Variants in PPM1D observed in about 807,000 individuals in gnomAD.
PPM1D encodes protein phosphatase, Mg2+/Mn2+ dependent 1D, also known as protein phosphatase 1D.
In PPM1D, 52 loss-of-function variants were observed where a neutral mutation model predicts 58.3. The ratio of observed to expected loss-of-function variants is 0.89; its 90% CI spans 0.71 to 1.12. The LOEUF is 1.12. Among genes scored for constraint, PPM1D ranks in the 50% most tolerant of loss-of-function variants. The probability of loss-of-function intolerance (pLI) is 0.00; values close to 1 mark genes in which losing one functional copy is unlikely to be tolerated. For synonymous variants in PPM1D, 278 were observed against 285.1 expected, an observed-to-expected ratio of 0.98 and a Z score of 0.25; for missense variants, 564 against 777.2, an observed-to-expected ratio of 0.73 and a Z score of 3.26.
chr17:60,649,216 C>A (rs1005779416), intron 4 of PPM1D, among the ~76,000 whole-genome samples: 2 of 152,096 alleles, frequency 1.3e-5, no homozygotes, highest in African/African-American at 4.8e-5. Flanking sequence ...CCATGCCCAG[C>A]TCCTAATCTC....
chr17:60,619,846 T>C (rs1341434980), intron 1 of PPM1D, among the ~76,000 whole-genome samples: 1 of 152,184 alleles, frequency 6.6e-6, no homozygotes, highest in Non-Finnish European at 1.5e-5. Flanking sequence ...GCGATCTTCC[T>C]GTCTCATTTT....
At chr17:60,656,481 A>G (rs2031441216) in intron 4 of PPM1D, 118 bp from the exon 5 acceptor site, 1 of 1,389,272 alleles carries the variant, frequency 7.2e-7, no homozygotes, top group Non-Finnish European at 9.6e-7. Flanking sequence ...AAGAAAAAAA[A>G]AAATTGGGAG....
At chr17:60,641,922 G>T (rs1395666000) in intron 3 of PPM1D, among the ~76,000 whole-genome samples, 1 of 152,152 alleles carries the variant, frequency 6.6e-6, no homozygotes, top group African/African-American at 2.4e-5. Flanking sequence ...CAGAAAGCAG[G>T]CCTCCTCTCT....
intron 1 of PPM1D, among the ~76,000 whole-genome samples, chr17:60,606,588 A>G (rs1055273623): frequency 3.3e-5 from 5 of 152,088 alleles, no homozygotes; most frequent in African/African-American, 1.2e-4. Flanking sequence ...ATCCTGATGA[A>G]TGTGGACTGT....
chr17:60,661,320 C>T (rs1230780226), intron 5 of PPM1D, among the ~76,000 whole-genome samples: 3 of 150,844 alleles, frequency 2.0e-5, no homozygotes, highest in Admixed American at 1.3e-4. Context: ...TCTGCTTGGG[C>T]TTTTCAGAAT....
chr17:60,605,862 G>A (rs1008669792), intron 1 of PPM1D, among the ~76,000 whole-genome samples: 1 of 152,154 alleles, frequency 6.6e-6, no homozygotes, highest in South Asian at 2.1e-4. Flanking sequence ...CTGAGATCAC[G>A]CCATTGCACT....
chr17:60,607,570 G>A (rs1197262314), intron 1 of PPM1D, among the ~76,000 whole-genome samples: 1 of 152,124 alleles, frequency 6.6e-6, no homozygotes, highest in African/African-American at 2.4e-5. Context: ...CAAAGTGTTG[G>A]GATTACAGGC....
chr17:60,644,215 C>T (rs1000284408), intron 3 of PPM1D, among the ~76,000 whole-genome samples: 5 of 151,536 alleles, frequency 3.3e-5, no homozygotes, highest in African/African-American at 1.2e-4. Flanking sequence ...TTGTCAATAC[C>T]ATGAATGATA....
At chr17:60,650,551 AAACAACAAC>A (rs145962010) in intron 4 of PPM1D, among the ~76,000 whole-genome samples, 4 of 151,396 alleles carry the variant, frequency 2.6e-5, no homozygotes, top group African/African-American at 9.7e-5. Flanking sequence ...CTCCATCTCA[AAACAACAAC>A]AACAACAACA....
intron 3 of PPM1D, among the ~76,000 whole-genome samples, chr17:60,640,858 C>T (rs2031120120): frequency 6.6e-6 from 1 of 151,848 alleles, no homozygotes. Context: ...ATTTCTTTTC[C>T]TAAGTAAATT....
rs980649677 is a variant in PPM1D at position 60,656,402 on chromosome 17, G to A, written c.1018-197G>A. ...CGGGAGGCAGAGCTTGCAGTGACCCGAGATTGCATCTCTGCACTTCAGCCT... is the reference window on the plus strand; with the variant it reads ...CGGGAGGCAGAGCTTGCAGTGACCCAAGATTGCATCTCTGCACTTCAGCCT... On this transcript the variant is annotated intron_variant, in intron 4 of 5. Coordinates refer to ENST00000305921, the MANE Select transcript of PPM1D (RefSeq NM_003620.4). 4.0e-5 allele frequency among the ~76,000 whole-genome samples: 6 copies of A among 149,840 alleles called. No homozygotes were observed. The East Asian group carries it at 7.9e-4, about 20-fold the overall frequency.
At position 60,656,219 on chromosome 17, in the gene PPM1D, G is replaced by T. The variant is rs2031435680; in HGVS notation, c.1018-380G>T. On this transcript the variant is annotated intron_variant, in intron 4 of 5. Coordinates refer to ENST00000305921, the MANE Select transcript of PPM1D (RefSeq NM_003620.4). ...ACCTGTAATCCCAGCACTTTGGGAG[G>T]CAGAGGCGTGTGGATCGAGGTCAGG... 5.9e-5 allele frequency among the ~76,000 whole-genome samples: 9 copies of T among 151,576 alleles called. No homozygotes were observed. The South Asian group carries it at 1.9e-3, about 32-fold the overall frequency.
chr17:60,657,781 C>T (rs1181104067), intron 5 of PPM1D, among the ~76,000 whole-genome samples: 1 of 152,004 alleles, frequency 6.6e-6, no homozygotes, highest in Non-Finnish European at 1.5e-5. Flanking sequence ...CTCTTGTTGC[C>T]CAGGCTAGAG....
At chr17:60,620,521 T>TTTTG (rs960994336) in intron 1 of PPM1D, among the ~76,000 whole-genome samples, 10 of 152,100 alleles carry the variant, frequency 6.6e-5, no homozygotes, top group Non-Finnish European at 1.0e-4. Flanking sequence ...TTGCTGTTTT[T>TTTTG]TTTGTTTGTT....
At chr17:60,621,356 A>T (rs2030697262) in intron 1 of PPM1D, among the ~76,000 whole-genome samples, 2 of 151,920 alleles carry the variant, frequency 1.3e-5, no homozygotes, top group Non-Finnish European at 2.9e-5. Flanking sequence ...AGTGCCATTT[A>T]TTGAAGACTA....
intron 4 of PPM1D, among the ~76,000 whole-genome samples, chr17:60,655,349 T>C (rs2031417371): frequency 6.7e-6 from 1 of 149,094 alleles, no homozygotes; most frequent in South Asian, 2.1e-4. Flanking sequence ...GTTTACTTCT[T>C]GTTGTTGTTG....
rs764676976 is a variant in PPM1D at position 60,600,646 on chromosome 17, C to T, written c.232C>T (p.Pro78Ser). Residue 78 changes from proline (P) to serine (S), a missense_variant, in exon 1 of 6, where the codon CCT becomes TCT. This residue lies in a region of PPM1D where 132 missense variants were observed against 150.4 expected (regional missense o/e 0.88). Transcript: ENST00000305921. ...GGTGGCAGCCCGAGAGGCTCGCGAC[C>T]CTCTCCCGGACGCCGGGGCCTCGCC... ...PAVAAREARD[P>S]LPDAGASPAP... The T allele has an allele frequency of 2.6e-6, 4 of 1,552,122 alleles. No individual in the cohort carries two copies. The Admixed American group carries it at 5.9e-5, about 23-fold the overall frequency.
At chr17:60,621,300 C>G (rs566661130) in intron 1 of PPM1D, among the ~76,000 whole-genome samples, 39 of 152,278 alleles carry the variant, frequency 2.6e-4, no homozygotes, top group Non-Finnish European at 4.7e-4. Flanking sequence ...TGGTATAAGA[C>G]AAGGGTACAA....
chr17:60,600,952 GCCCCGCGTGGGC>G (rs1262410730), intron 1 of PPM1D, 66 bp downstream of exon 1: 1 of 1,597,806 alleles, frequency 6.3e-7, no homozygotes, highest in Non-Finnish European at 8.5e-7. Flanking sequence ...TATGGCACCA[GCCCCGCGTGGGC>G]CCCCGGCACC....
Sources: allele counts gnomAD v4.1 joint callset (sites outside exome capture counted in the v4.1 genomes callset), GRCh38; gene constraint gnomAD v4.1.1; regional missense constraint gnomAD v4.1.1; transcripts MANE v1.5; gene names NCBI Gene and HGNC (gene_info 2026-07-23, HGNC 2026-07-21).